The following HOMER3 variants were observed in gnomAD, a reference collection of about 807,000 sequenced individuals.
HOMER3 encodes homer scaffold protein 3, also known as homer protein homolog 3.
Under a neutral mutation model 45.5 loss-of-function variants are expected in HOMER3, and 34 were observed. The observed-to-expected ratio is 0.75, with a 90% CI of 0.57 to 1.00. The LOEUF is 1.00. Ranked by LOEUF, HOMER3 falls within the 50% of genes least tolerant of loss-of-function variation. The pLI, the probability that HOMER3 is intolerant of heterozygous loss-of-function variation, is 0.00. For synonymous variants in HOMER3, 223 were observed against 208.8 expected (o/e 1.07, Z -0.58); for missense variants, 480 against 497.5 (o/e 0.96, Z 0.33).
Position 18,934,372 on chromosome 19 carries a change from C to G in HOMER3, c.342G>C (p.Arg114Ser). Residue 114 changes from arginine to serine, a missense_variant, in exon 5 of 10, where the codon AGG becomes AGC. Coordinates refer to ENST00000392351, the MANE Select transcript of HOMER3 (RefSeq NM_004838.4). ...EKFQEVKEAARLAREKSQDGG... is the reference protein window; with the variant it reads ...EKFQEVKEAASLAREKSQDGG... ...CATCCTGAGATTTCTCCCTGGCCAGCCTGGCTGCTTCCTTCACTTCCTGGA... is the reference window on the plus strand; with the variant it reads ...CATCCTGAGATTTCTCCCTGGCCAGGCTGGCTGCTTCCTTCACTTCCTGGA... 6.3e-7 allele frequency: 1 copy of G among 1,594,596 alleles called. No individual in the cohort carries two copies. The highest frequency in any genetic ancestry group is 8.5e-7 in the Non-Finnish European group (1 of 1,171,036).
chr19:18,939,059 G>C lies in HOMER3; in HGVS notation c.-67-10C>G, dbSNP rs2057127202. Reference sequence around the variant, plus strand: ...AGCACTGGTTTGGCCCCTAGGGAGAGAGGAGGGACTATGAGTGTCCCTCAG... The same window carrying C: ...AGCACTGGTTTGGCCCCTAGGGAGACAGGAGGGACTATGAGTGTCCCTCAG... On this transcript the variant is annotated splice_polypyrimidine_tract_variant and intron_variant, in intron 1 of 9. Transcript: ENST00000392351. The C allele has an allele frequency of 2.8e-6, 4 of 1,424,738 alleles. No individual in the cohort carries two copies. The African/African-American group carries it at 4.3e-5, about 15-fold the overall frequency. 88.3% of individuals were successfully genotyped at this position (1,424,738 alleles called of 1,614,324 possible). A position where few individuals can be genotyped will look rare whatever the true frequency, so the allele number is the denominator to read the frequency against.
In HOMER3 at chr19:18,938,455, G is replaced by T; in HGVS notation, c.201C>A (p.Asn67Lys). The change falls in exon 4 of 10, where the codon AAC (asparagine) becomes AAA (lysine). Residue 67 changes from asparagine (N) to lysine (K), a missense_variant. Physicochemically the swap from Asn to Lys is moderately conservative, Grantham distance 94 (BLOSUM62 0). Coordinates refer to ENST00000392351, the MANE Select transcript of HOMER3 (RefSeq NM_004838.4). Reference sequence around the variant, plus strand: ...TCTGGGAAGTTTTGGTGAAGGTCATGTTGGGAGTGACAGTGCTGTTGATGA... The same window carrying T: ...TCTGGGAAGTTTTGGTGAAGGTCATTTTGGGAGTGACAGTGCTGTTGATGA... ...KAIINSTVTP[N>K]MTFTKTSQKF... 1 of 1,614,146 alleles carries T rather than the reference G, an allele frequency of 6.2e-7. No individual in the cohort carries two copies. The highest frequency in any genetic ancestry group is 8.5e-7 in the Non-Finnish European group (1 of 1,179,950).
In HOMER3 at chr19:18,938,406, G is replaced by A. The variant is rs772996906; in HGVS notation, c.250C>T (p.Arg84Cys). ...SQKFGQWADS[R>C]ANTVYGLGFA... ...CCCAGGCCGTAGACTGTGTTGGCGC[G>A]ACTGTCGGCCCACTGCCCGAACTTC... The change falls in exon 4 of 10, where the codon CGC becomes TGC. Residue 84 changes from arginine to cysteine, a missense_variant. Coordinates refer to ENST00000392351, the MANE Select transcript of HOMER3 (RefSeq NM_004838.4). 3.1e-6 allele frequency: 5 copies of A among 1,614,086 alleles called. No individual in the cohort carries two copies. The highest frequency in any genetic ancestry group is 2.2e-5 in the East Asian group (1 of 44,880).
chr19:18,933,832 G>A (rs1270426689), intron 5 of HOMER3, among the ~76,000 whole-genome samples: 1 of 152,192 alleles, frequency 6.6e-6, no homozygotes. Context: ...AGCCTCCCGA[G>A]TAGCTGGGAC....
Position 18,929,530 on chromosome 19 carries a change from G to T in HOMER3, c.999C>A (p.Gly333=), listed in dbSNP as rs748299764. ...TGACGTCCAGCAGCTGCGCTGCCCG[G>T]CCCACCTCAGCCCGCGCCCGCTCCC... ...AERERARAEV[G]RAAQLLDVSL... Residue 333 remains glycine (G), a synonymous_variant, in exon 10 of 10, where the codon GGC becomes GGA. Coordinates refer to ENST00000392351, the MANE Select transcript of HOMER3 (RefSeq NM_004838.4). 3 of 1,563,530 alleles carry T rather than the reference G, an allele frequency of 1.9e-6. No homozygotes were observed. The South Asian group carries it at 3.5e-5, about 18-fold the overall frequency.
intron 6 of HOMER3, among the ~76,000 whole-genome samples, chr19:18,932,719 G>A (rs1461106520): frequency 6.6e-6 from 1 of 151,828 alleles, no homozygotes; most frequent in East Asian, 1.9e-4. Flanking sequence ...CAGGGATGGG[G>A]TCAAAACAGA....
chr19:18,937,818 T>C (rs1568341098), intron 4 of HOMER3, among the ~76,000 whole-genome samples: 1 of 151,888 alleles, frequency 6.6e-6, no homozygotes, highest in African/African-American at 2.4e-5. Context: ...TGTGGGAAAG[T>C]GCCCAGCCCA....
chr19:18,932,883 C>A, intron 6 of HOMER3, 41 bp downstream of exon 6: 8 of 827,112 alleles, frequency 9.7e-6, no homozygotes, highest in African/African-American at 1.8e-5. Context: ...TCCCCCACCC[C>A]TACCCCCGCC....
chr19:18,932,879 A>AACCCCCCCCCCCCCCCCCCCCCCCAAG, intron 6 of HOMER3, 45 bp downstream of exon 6: 1 of 226,452 alleles, frequency 4.4e-6, no homozygotes, highest in Admixed American at 7.2e-5. Flanking sequence ...CTCGTCCCCC[A>AACCCCCCCCCCCCCCCCCCCCCCCAAG]CCCCTACCCC....
At chr19:18,931,664 G>T in intron 7 of HOMER3, 39 bp from the exon 8 acceptor site, 1 of 1,556,314 alleles carries the variant, frequency 6.4e-7, no homozygotes, top group South Asian at 1.2e-5. Context: ...GCCCCCGCCT[G>T]CACTCTCCCT....
intron 4 of HOMER3, 86 bp from the exon 5 acceptor site, chr19:18,934,496 T>G: frequency 1.4e-6 from 1 of 703,906 alleles, no homozygotes; most frequent in Non-Finnish European, 2.2e-6. Context: ...CCCCGCCACT[T>G]TCGAACCGTA....
chr19:18,938,311 A>C (rs761597501), intron 4 of HOMER3, 42 bp downstream of exon 4: 2 of 1,577,258 alleles, frequency 1.3e-6, no homozygotes, highest in Middle Eastern at 1.7e-4. Context: ...ACTTGGGCCC[A>C]GTCTCATCGG....
intron 4 of HOMER3, among the ~76,000 whole-genome samples, chr19:18,935,388 G>A (rs1042881000): frequency 1.3e-5 from 2 of 151,834 alleles, no homozygotes; most frequent in South Asian, 4.2e-4. Context: ...CACCCACCTC[G>A]GCCTCCCAAA....
chr19:18,937,308 T>TTAA (rs1555715512), intron 4 of HOMER3, among the ~76,000 whole-genome samples: 2 of 82,324 alleles, frequency 2.4e-5, no homozygotes. Context: ...AAGATCTTGT[T>TTAA]AAAAAAAAAA....
rs143852111 is a variant in HOMER3, at chr19:18,929,465, C to T, written c.1064G>A (p.Arg355His). 16 of 1,595,106 alleles carry T rather than the reference C, an allele frequency of 1.0e-5. No individual in the cohort carries two copies. Among genetic ancestry groups the T allele is most frequent in the African/African-American group, 5.4e-5 (4 of 74,412 alleles). ...GGCTCAGGGCGCAGCCTCAGCCAGGCGGGCCAGGCCCTCACGCAGCTCACT... is the reference window on the plus strand; with the variant it reads ...GGCTCAGGGCGCAGCCTCAGCCAGGTGGGCCAGGCCCTCACGCAGCTCACT... ...ELSELREGLA[R>H]LAEAAP The change falls in exon 10 of 10, where the codon CGC (arginine) becomes CAC (histidine). Residue 355 changes from arginine to histidine, a missense_variant. Physicochemically the swap from Arg to His is conservative, Grantham distance 29. Coordinates refer to ENST00000392351, the MANE Select transcript of HOMER3 (RefSeq NM_004838.4).
At position 18,939,036 on chromosome 19, in the gene HOMER3, C is replaced by G. The variant is rs2057126939; in HGVS notation, c.-54G>C. The stretch of plus-strand genomic sequence containing the variant: ...GGGGCAGCCAGAGAGGTGGCAGGAG[C>G]ACTGGTTTGGCCCCTAGGGAGAGAG... On this transcript the variant is annotated 5_prime_UTR_variant, in exon 2 of 10. Coordinates refer to ENST00000392351, the MANE Select transcript of HOMER3 (RefSeq NM_004838.4). 2 of 1,523,396 alleles carry G rather than the reference C, an allele frequency of 1.3e-6. No homozygotes were observed. Among genetic ancestry groups the G allele is most frequent in the Non-Finnish European group, 1.8e-6 (2 of 1,135,252 alleles). The allele number at this position is 1,523,396 out of a possible 1,614,324, so 94.4% of individuals were successfully genotyped here.
At position 18,936,835 on chromosome 19, in the gene HOMER3, A is replaced by G. The variant is rs2057098474; in HGVS notation, c.303+1518T>C. 2.0e-5 allele frequency among the ~76,000 whole-genome samples: 3 copies of G among 150,560 alleles called. No homozygotes were observed. The South Asian group carries it at 6.3e-4, about 31-fold the overall frequency. ...AAACCCCCGTCTCTATTAAAAATAC[A>G]AAAAAAATTAGCAGGGCGTGGTGGC... On this transcript the variant is annotated intron_variant, in intron 4 of 9. Coordinates refer to ENST00000392351, the MANE Select transcript of HOMER3 (RefSeq NM_004838.4).
At position 18,929,321 on chromosome 19, in the gene HOMER3, G is replaced by A. The variant is rs770481140; in HGVS notation, c.*122C>T. 9 of 844,694 alleles carry A rather than the reference G, an allele frequency of 1.1e-5. No homozygotes were observed. Among genetic ancestry groups the A allele is most frequent in the Admixed American group, 3.6e-5 (2 of 55,158 alleles). The allele number at this position is 844,694 out of a possible 1,614,324, so 52.3% of individuals were successfully genotyped here. Reference sequence around the variant, plus strand: ...GGCCCACCCCAGCCCAGCCCGGCCCGGCCCACCCAGGGCTAAGTTGGGACC... The same window carrying A: ...GGCCCACCCCAGCCCAGCCCGGCCCAGCCCACCCAGGGCTAAGTTGGGACC... On this transcript the variant is annotated 3_prime_UTR_variant, in exon 10 of 10. Transcript: ENST00000392351.
At chr19:18,931,649 C>G in intron 7 of HOMER3, 24 bp from the exon 8 acceptor site, 1 of 1,572,404 alleles carries the variant, frequency 6.4e-7, no homozygotes, top group Non-Finnish European at 8.6e-7. Flanking sequence ...ATAGCAGCCC[C>G]TGACGCCCCC....
Sources: allele counts gnomAD v4.1 joint callset (sites outside exome capture counted in the v4.1 genomes callset), GRCh38; gene constraint gnomAD v4.1.1; transcripts MANE v1.5; gene names NCBI Gene and HGNC (gene_info 2026-07-23, HGNC 2026-07-21).